The following GALNT17 variants were observed in gnomAD, a reference collection of about 807,000 sequenced individuals.
GALNT17 encodes polypeptide N-acetylgalactosaminyltransferase 17.
A neutral mutation model predicts 63.7 loss-of-function variants in GALNT17; 29 were observed. That is an observed-to-expected ratio of 0.46 (90% confidence interval 0.34 to 0.62). The LOEUF (loss-of-function observed/expected upper bound fraction) is 0.62. Ranked by LOEUF, GALNT17 falls within the 20% of genes least tolerant of loss-of-function variation. The pLI is 0.01. For missense variants in GALNT17, 603 were observed against 799.6 expected (o/e 0.75, Z 2.97); for synonymous variants, 305 against 318.3 (o/e 0.96, Z 0.45).
rs1790967992 is a variant in GALNT17, at chr7:71,665,349, G to A, written c.1081-62G>A. ...CAGCTGAACCATTGCTTTTGGGCTT[G>A]GGGAGGGGGCATAGCCTCTGGGAAT... On this transcript the variant is annotated intron_variant, in intron 6 of 10. Coordinates refer to ENST00000333538, the MANE Select transcript of GALNT17 (RefSeq NM_022479.3). 1.1e-5 allele frequency: 16 copies of A among 1,518,448 alleles called. No homozygotes were observed. In the South Asian group the frequency reaches 1.8e-4, roughly 17 times the overall value. 94.1% of individuals were successfully genotyped at this position (1,518,448 alleles called of 1,614,324 possible). A position where few individuals can be genotyped will look rare whatever the true frequency, so the allele number is the denominator to read the frequency against.
At position 71,416,208 on chromosome 7, in the gene GALNT17, C is replaced by T. The variant is rs116200797; in HGVS notation, c.764+145C>T. 462 of 1,024,722 alleles carry T rather than the reference C, an allele frequency of 4.5e-4. 5 individuals are homozygous for T. In the African/African-American group the frequency reaches 7.1e-3, roughly 16 times the overall value. The allele number at this position is 1,024,722 out of a possible 1,614,324, so 63.5% of individuals were successfully genotyped here. A position where few individuals can be genotyped will look rare whatever the true frequency, so the allele number is the denominator to read the frequency against. ...AGACTCGTCAAAGAAGAAAGTGAGA[C>T]CATTGTCTGGGATAAAGCTAGGGAG... is the stretch of plus-strand genomic sequence containing the variant. On this transcript the variant is annotated intron_variant, in intron 4 of 10. Transcript: ENST00000333538.
chr7:71,692,622 A>C (rs1163765406), intron 9 of GALNT17, among the ~76,000 whole-genome samples: 1 of 152,188 alleles, frequency 6.6e-6, no homozygotes, highest in East Asian at 1.9e-4. Context: ...GTAAGTTCAT[A>C]GTGAGATATG....
intron 5 of GALNT17, among the ~76,000 whole-genome samples, chr7:71,526,404 C>A (rs1426412567): frequency 3.3e-5 from 5 of 152,250 alleles, no homozygotes; most frequent in Non-Finnish European, 7.3e-5. Context: ...GAAATATATT[C>A]TTTTGCAAAA....
At chr7:71,277,619 A>G (rs150492068) in intron 1 of GALNT17, among the ~76,000 whole-genome samples, 5 of 152,364 alleles carry the variant, frequency 3.3e-5, no homozygotes, top group African/African-American at 1.2e-4. Context: ...GTGTTCTGAG[A>G]CACTGCCACT....
chr7:71,513,253 C>T (rs538016195), intron 5 of GALNT17, among the ~76,000 whole-genome samples: 6 of 152,238 alleles, frequency 3.9e-5, no homozygotes, highest in East Asian at 1.9e-4. Flanking sequence ...CACCACTCCA[C>T]GATTGGAAAA....
intron 9 of GALNT17, among the ~76,000 whole-genome samples, chr7:71,682,711 AT>A (rs528645848): frequency 1.1e-4 from 17 of 152,110 alleles, no homozygotes; most frequent in Middle Eastern, 3.2e-3. Flanking sequence ...TGCCCAGCTA[AT>A]TTTTTTTAAA....
chr7:71,223,235 G>A (rs1789619687), intron 1 of GALNT17, among the ~76,000 whole-genome samples: 1 of 152,062 alleles, frequency 6.6e-6, no homozygotes, highest in South Asian at 2.1e-4. Flanking sequence ...ATTCACTGAT[G>A]GACGTTGCTG....
intron 1 of GALNT17, among the ~76,000 whole-genome samples, chr7:71,197,045 T>C (rs1789063830): frequency 1.3e-5 from 2 of 152,138 alleles, no homozygotes. Context: ...GATTCAGACA[T>C]GCAGTGTGTA....
At chr7:71,347,908 TG>T (rs1792123679) in intron 2 of GALNT17, among the ~76,000 whole-genome samples, 1 of 152,184 alleles carries the variant, frequency 6.6e-6, no homozygotes, top group African/African-American at 2.4e-5. Context: ...AAGTATAATG[TG>T]TGTTTTTCCT....
Position 71,562,948 on chromosome 7 carries a change from C to T in GALNT17, c.963-8337C>T, listed in dbSNP as rs150507822. 3.0e-3 allele frequency among the ~76,000 whole-genome samples: 463 copies of T among 152,206 alleles called. 2 individuals carry two copies. Among genetic ancestry groups the T allele is most frequent in the African/African-American group, 0.01 (428 of 41,536 alleles). ...TCTAGAATGAAGATGAGTCCTTTTT[C>T]ACCTATGAAAAGAAAACACAATGAG... On this transcript the variant is annotated intron_variant, in intron 5 of 10. Coordinates refer to ENST00000333538, the MANE Select transcript of GALNT17 (RefSeq NM_022479.3).
chr7:71,288,329 G>A (rs1790915233), intron 1 of GALNT17, among the ~76,000 whole-genome samples: 1 of 152,058 alleles, frequency 6.6e-6, no homozygotes, highest in South Asian at 2.1e-4. Context: ...TGTTGAGTAG[G>A]CTGAGCAGGA....
intron 6 of GALNT17, among the ~76,000 whole-genome samples, chr7:71,659,548 C>T (rs372478268): frequency 2.6e-5 from 4 of 152,320 alleles, no homozygotes; most frequent in East Asian, 1.9e-4. Context: ...TACAGCCTGA[C>T]GGGCTCAGAA....
chr7:71,679,875 T>A (rs967045247), intron 9 of GALNT17, among the ~76,000 whole-genome samples: 3 of 150,614 alleles, frequency 2.0e-5, no homozygotes, highest in African/African-American at 7.3e-5. Context: ...CCTTCCTTCC[T>A]TTTTTTCTTT....
At chr7:71,294,441 G>A (rs1182815379) in intron 1 of GALNT17, among the ~76,000 whole-genome samples, 1 of 118,654 alleles carries the variant, frequency 8.4e-6, no homozygotes, top group Non-Finnish European at 1.6e-5. Flanking sequence ...TTGAGATGGA[G>A]TCTTGCTCTG....
chr7:71,208,698 C>T (rs1585882751), intron 1 of GALNT17, among the ~76,000 whole-genome samples: 1 of 151,994 alleles, frequency 6.6e-6, no homozygotes, highest in Non-Finnish European at 1.5e-5. Context: ...GCTGTCTTCC[C>T]ATCTTGACCT....
rs572039126 is a variant in GALNT17, at chr7:71,672,975, TA to T, written c.1404+2872del. Among the ~76,000 whole-genome samples the T allele has an allele frequency of 2.9e-3, 430 of 146,306 alleles. 3 individuals carry two copies. Among genetic ancestry groups the T allele is most frequent in the African/African-American group, 9.6e-3 (391 of 40,676 alleles). On this transcript the variant is annotated intron_variant, in intron 8 of 10. Transcript: ENST00000333538. ...AAATTTATTTCATAGTCAAAGAAAA[TA>T]AAAAATTAAATACACAGAGGTGTTT...
At chr7:71,216,092 C>T in intron 1 of GALNT17, among the ~76,000 whole-genome samples, 1 of 151,974 alleles carries the variant, frequency 6.6e-6, no homozygotes, top group Non-Finnish European at 1.5e-5. Context: ...TAGTGCACAC[C>T]TGTAGCCCCA....
At chr7:71,554,207 C>T (rs141862596) in intron 5 of GALNT17, among the ~76,000 whole-genome samples, 138 of 152,254 alleles carry the variant, frequency 9.1e-4, no homozygotes, top group African/African-American at 2.8e-3. Flanking sequence ...TCCTGTGTGT[C>T]GTGGGAGGGA....
intron 1 of GALNT17, among the ~76,000 whole-genome samples, chr7:71,146,774 C>T (rs1205933524): frequency 6.6e-6 from 1 of 152,184 alleles, no homozygotes; most frequent in Non-Finnish European, 1.5e-5. Flanking sequence ...CCCTTTTAAT[C>T]ATGTCCCTGT....
Sources: gnomAD v4.1 joint callset for allele counts (sites outside exome capture counted in the v4.1 genomes callset) on GRCh38, gnomAD v4.1.1 for gene constraint, MANE v1.5 for transcripts, NCBI Gene and HGNC (gene_info 2026-07-23, HGNC 2026-07-21) for gene names.